The following CDK2AP1 variants were observed in gnomAD, a reference collection of about 807,000 sequenced individuals.
CDK2AP1 encodes cyclin-dependent kinase 2-associated protein 1.
A neutral mutation model predicts 14.1 loss-of-function variants in CDK2AP1; 10 were observed. The observed-to-expected ratio is 0.71, with a 90% CI of 0.44 to 1.20. The LOEUF is 1.20. Among genes scored for constraint, CDK2AP1 ranks in the 50% most tolerant of loss-of-function variants. The pLI is 0.00. For missense variants in CDK2AP1, 102 were observed against 149.9 expected, an observed-to-expected ratio of 0.68 and a Z score of 1.67; for synonymous variants, 59 against 59.8, an observed-to-expected ratio of 0.99 and a Z score of 0.06.
At chr12:123,262,217 G>T (rs546173495) in intron 3 of CDK2AP1, 7 of 164,876 alleles carry the variant, frequency 4.2e-5, no homozygotes, top group Non-Finnish European at 7.9e-5. Flanking sequence ...AGCTGCACAC[G>T]TGAGGGCGCA....
chr12:123,267,417 C>T, intron 1 of CDK2AP1, 135 bp from the exon 2 acceptor site: 2 of 650,944 alleles, frequency 3.1e-6, no homozygotes, highest in South Asian at 1.7e-5. Flanking sequence ...TGCTCTCCAC[C>T]TCCGGTTTGA....
intron 1 of CDK2AP1, chr12:123,270,999 T>C: frequency 1.0e-6 from 1 of 981,760 alleles, no homozygotes; most frequent in South Asian, 4.6e-5. Context: ...CTGGTCCCAG[T>C]CCCGGCGGCC....
At chr12:123,262,171 G>T (rs1362608810) in intron 3 of CDK2AP1, 1 of 188,316 alleles carries the variant, frequency 5.3e-6, no homozygotes, top group Admixed American at 5.6e-5. Context: ...TTCTAGACAG[G>T]GCTTGACCGG....
In CDK2AP1 at chr12:123,271,626, GGCGGCGGGCGCGCCGGGC is replaced by G; in HGVS notation, c.-26_-9del. ...GTTCGGTTTGTAAGACATCCCCCCG[GGCGGCGGGCGCGCCGGGC>G]GCGGCGGGGCCAGGCCGCGAGGGCG... On this transcript the variant is annotated 5_prime_UTR_variant, in exon 1 of 4. Transcript: ENST00000261692. 2.0e-6 allele frequency: 2 copies of G among 988,160 alleles called. No individual in the cohort carries two copies. The highest frequency in any genetic ancestry group is 2.4e-6 in the Non-Finnish European group (2 of 832,670). 61.2% of individuals were successfully genotyped at this position (988,160 alleles called of 1,614,324 possible). A position where few individuals can be genotyped will look rare whatever the true frequency, so the allele number is the denominator to read the frequency against.
chr12:123,268,287 C>A, intron 1 of CDK2AP1: 1 of 957,240 alleles, frequency 1.0e-6, no homozygotes, highest in Middle Eastern at 5.3e-4. Flanking sequence ...CCAGGCTGGC[C>A]AAACCCACCA....
At chr12:123,264,477 A>AAAAAAAAAC in intron 3 of CDK2AP1, among the ~76,000 whole-genome samples, 1 of 150,062 alleles carries the variant, frequency 6.7e-6, no homozygotes, top group Non-Finnish European at 1.5e-5. Context: ...AAAAAAAAAA[A>AAAAAAAAAC]AAAAAAAAAA....
chr12:123,269,560 GGGGTT>G (rs959771725), intron 1 of CDK2AP1, among the ~76,000 whole-genome samples: 1 of 152,256 alleles, frequency 6.6e-6, no homozygotes, highest in Non-Finnish European at 1.5e-5. Context: ...GCAGGAGCGA[GGGGTT>G]GGCAGAGGCC....
intron 1 of CDK2AP1, among the ~76,000 whole-genome samples, chr12:123,269,808 A>G (rs2048337394): frequency 6.6e-6 from 1 of 151,868 alleles, no homozygotes. Flanking sequence ...AGGAAGCCGG[A>G]GGAGCAGCGG....
At chr12:123,266,997 G>A (rs1304762178) in intron 2 of CDK2AP1, among the ~76,000 whole-genome samples, 188 bp downstream of exon 2, 2 of 152,144 alleles carry the variant, frequency 1.3e-5, no homozygotes, top group African/African-American at 2.4e-5. Context: ...ACGTCCCCGC[G>A]AAGCACAGTC....
chr12:123,267,276 C>A lies in CDK2AP1; in HGVS notation c.62G>T (p.Ser21Ile). The A allele has an allele frequency of 6.2e-7, 1 of 1,608,560 alleles. No homozygotes were observed. Among genetic ancestry groups the A allele is most frequent in the Admixed American group, 1.7e-5 (1 of 59,992 alleles). The change falls in exon 2 of 4, where the codon AGT becomes ATT. Residue 21 changes from serine to isoleucine, a missense_variant. Transcript: ENST00000261692. ...MPAAALNAAG[S>I]VHSPSTSMAT... Reference sequence around the variant, plus strand: ...CATGCTGGTGGAAGGCGAGTGGACACTCCCAGCTGTGGGGTGGGGAGAGAG... The same window carrying A: ...CATGCTGGTGGAAGGCGAGTGGACAATCCCAGCTGTGGGGTGGGGAGAGAG...
At position 123,265,317 on chromosome 12, in the gene CDK2AP1, A is replaced by C; in HGVS notation, c.159T>G (p.Thr53=). The change falls in exon 3 of 4, where the codon ACT becomes ACG. Residue 53 remains threonine, a synonymous_variant. Transcript: ENST00000261692. The surrounding 1 kb of genome is among the most constrained non-coding windows in gnomAD (Gnocchi z 5.3). ...GPPSLGYTQG[T]GNSQVPQSKY... is the part of the protein sequence containing the mutation. Reference sequence around the variant, plus strand: ...TGCTTTGGGGCACCTGGCTGTTCCCAGTTCCCTAGAATCAGAAAGAAATGG... The same window carrying C: ...TGCTTTGGGGCACCTGGCTGTTCCCCGTTCCCTAGAATCAGAAAGAAATGG... 1 of 1,614,074 alleles carries C rather than the reference A, an allele frequency of 6.2e-7. No homozygotes were observed. Among genetic ancestry groups the C allele is most frequent in the African/African-American group, 1.3e-5 (1 of 75,026 alleles).
At chr12:123,264,889 G>C (rs1304308970) in intron 3 of CDK2AP1, among the ~76,000 whole-genome samples, 1 of 152,114 alleles carries the variant, frequency 6.6e-6, no homozygotes, top group Admixed American at 6.5e-5. Flanking sequence ...TCGGGGGCAG[G>C]GGGCACTTCG....
intron 3 of CDK2AP1, among the ~76,000 whole-genome samples, chr12:123,263,580 G>A (rs1243518480): frequency 2.0e-5 from 3 of 152,158 alleles, no homozygotes; most frequent in Admixed American, 6.5e-5. Flanking sequence ...CTCTCCAGGC[G>A]AGACCAGGGT....
chr12:123,265,400 G>A lies in CDK2AP1; in HGVS notation c.154-78C>T. 8 of 1,437,954 alleles carry A rather than the reference G, an allele frequency of 5.6e-6. No homozygotes were observed. Among genetic ancestry groups the A allele is most frequent in the Non-Finnish European group, 7.8e-6 (8 of 1,027,714 alleles). The allele number at this position is 1,437,954 out of a possible 1,614,324, so 89.1% of individuals were successfully genotyped here. On this transcript the variant is annotated intron_variant, in intron 2 of 3. Transcript: ENST00000261692. The surrounding 1 kb of genome is among the most constrained non-coding windows in gnomAD (Gnocchi z 5.3). ...TGCCTGTAGTCCCAGTTACTCAGGA[G>A]GCTGAGGCAGGAGAACTGCTTGGAC...
At chr12:123,262,617 C>T (rs1262196806) in intron 3 of CDK2AP1, among the ~76,000 whole-genome samples, 1 of 152,176 alleles carries the variant, frequency 6.6e-6, no homozygotes, top group Non-Finnish European at 1.5e-5. Flanking sequence ...GCCCTGTCAC[C>T]CAGGCTGGAG....
chr12:123,271,527 G>C, intron 1 of CDK2AP1, 37 bp downstream of exon 1: 1 of 991,914 alleles, frequency 1.0e-6, no homozygotes, highest in Non-Finnish European at 1.2e-6. Context: ...CCCCCAACTT[G>C]GCGGCGCTTG....
intron 2 of CDK2AP1, among the ~76,000 whole-genome samples, chr12:123,266,121 C>T (rs575369536): frequency 6.6e-6 from 1 of 152,304 alleles, no homozygotes; most frequent in Admixed American, 6.5e-5. Flanking sequence ...CTCCCATAGA[C>T]ACGCCAGCTC....
At chr12:123,268,880 G>A (rs1340745274) in intron 1 of CDK2AP1, among the ~76,000 whole-genome samples, 1 of 152,184 alleles carries the variant, frequency 6.6e-6, no homozygotes, top group Non-Finnish European at 1.5e-5. Context: ...AGCATGGCAT[G>A]GCGAACACAG....
In CDK2AP1 at chr12:123,265,105, T is replaced by C; in HGVS notation, c.280+91A>G. 2 of 1,548,616 alleles carry C rather than the reference T, an allele frequency of 1.3e-6. No individual in the cohort carries two copies. The highest frequency in any genetic ancestry group is 8.8e-7 in the Non-Finnish European group (1 of 1,131,042). On this transcript the variant is annotated intron_variant, in intron 3 of 3. Coordinates refer to ENST00000261692, the MANE Select transcript of CDK2AP1 (RefSeq NM_004642.4). The surrounding 1 kb of genome is among the most constrained non-coding windows in gnomAD (Gnocchi z 5.3). The stretch of plus-strand genomic sequence containing the variant: ...AGCTCCCATGAGTGAGCCTCATCCC[T>C]AGCCCACCTTCCCACATTTTCCCCA...
Sources: gnomAD v4.1 joint callset for allele counts (sites outside exome capture counted in the v4.1 genomes callset) on GRCh38, gnomAD v4.1.1 for gene constraint, Gnocchi (gnomAD v3.1) non-coding constraint, MANE v1.5 for transcripts, NCBI Gene and HGNC (gene_info 2026-07-23, HGNC 2026-07-21) for gene names.